Variants in FRYL observed in about 807,000 individuals in gnomAD.
FRYL encodes the protein FRY like transcription coactivator, also known as protein furry homolog-like.
In FRYL, 150 loss-of-function variants were observed where a neutral mutation model predicts 351.2. The observed-to-expected ratio is 0.43, with a 90% CI of 0.37 to 0.49. FRYL has a LOEUF of 0.49. Ranked by LOEUF, FRYL falls within the 20% of genes least tolerant of loss-of-function variation. The probability of loss-of-function intolerance (pLI) is 0.00; values close to 1 mark genes in which losing one functional copy is unlikely to be tolerated. For missense variants in FRYL, 3,036 were observed against 3,619.3 expected, an observed-to-expected ratio of 0.84 and a Z score of 4.13; for synonymous variants, 1,153 against 1,257.1, an observed-to-expected ratio of 0.92 and a Z score of 1.75.
intron 1 of FRYL, among the ~76,000 whole-genome samples, chr4:48,763,106 T>TA (rs10683757): frequency 0.51 from 46,743 of 91,496 alleles, 12,699 homozygotes; most frequent in South Asian, 0.64. Context: ...TACAGATCTG[T>TA]AAAAAAAAAA....
At chr4:48,629,479 T>C (rs1189022730) in intron 4 of FRYL, among the ~76,000 whole-genome samples, 1 of 152,196 alleles carries the variant, frequency 6.6e-6, no homozygotes, top group East Asian at 1.9e-4. Flanking sequence ...CATTCACTCA[T>C]TTGTCCAAAT....
intron 3 of FRYL, among the ~76,000 whole-genome samples, chr4:48,665,136 T>A (rs993606843): frequency 6.6e-6 from 1 of 152,230 alleles, no homozygotes; most frequent in Non-Finnish European, 1.5e-5. Context: ...GCAATTATAT[T>A]GCTTGTGTAA....
chr4:48,620,796 T>C lies in FRYL; in HGVS notation c.175-18A>G. On this transcript the variant is annotated intron_variant, in intron 5 of 63. Coordinates refer to ENST00000358350, the MANE Select transcript of FRYL (RefSeq NM_015030.2). ...CTTATCAACTGAAAACACAAGATAT[T>C]ACCAGAAAATAAATTGTAACACTGA... The C allele has an allele frequency of 6.2e-7, 1 of 1,601,116 alleles. No homozygotes were observed. Among genetic ancestry groups the C allele is most frequent in the Non-Finnish European group, 8.5e-7 (1 of 1,170,468 alleles).
chr4:48,734,522 T>A (rs978938005), intron 1 of FRYL, among the ~76,000 whole-genome samples: 1 of 152,150 alleles, frequency 6.6e-6, no homozygotes. Context: ...AGTAAGGACA[T>A]AGCTGAACTC....
chr4:48,506,615 AATATATATATATAT>A (rs55736457), intron 59 of FRYL: 756 of 71,614 alleles, frequency 0.011, 3 homozygotes, highest in African/African-American at 0.025. Context: ...CAATACAACT[AATATATATATATAT>A]ATATATATAT....
chr4:48,558,703 G>A, intron 33 of FRYL, among the ~76,000 whole-genome samples: 1 of 152,158 alleles, frequency 6.6e-6, no homozygotes, highest in East Asian at 1.9e-4. Context: ...GTTCTATATA[G>A]GGGAGATGCC....
chr4:48,715,846 G>A (rs1578813946), intron 1 of FRYL, among the ~76,000 whole-genome samples: 1 of 152,184 alleles, frequency 6.6e-6, no homozygotes, highest in African/African-American at 2.4e-5. Context: ...AACAAAGCTG[G>A]AGGCATCATA....
intron 33 of FRYL, among the ~76,000 whole-genome samples, 181 bp from the exon 34 acceptor site, chr4:48,557,893 A>G (rs1734477465): frequency 6.6e-6 from 1 of 152,240 alleles, no homozygotes; most frequent in Non-Finnish European, 1.5e-5. Context: ...ATTAACAGCT[A>G]ACATAAATCA....
Position 48,620,619 on chromosome 4 carries a change from GT to G in FRYL, c.314+19del, listed in dbSNP as rs1560731105. 4.4e-6 allele frequency: 7 copies of G among 1,600,692 alleles called. No individual in the cohort carries two copies. In the East Asian group the frequency reaches 1.6e-4, roughly 36 times the overall value. The stretch of plus-strand genomic sequence containing the variant: ...AAGTGTGTTAATTCCAGGTGAAACA[GT>G]GTAAAATAAAGCACTTACCCCTTAG... On this transcript the variant is annotated intron_variant, in intron 6 of 63. Coordinates refer to ENST00000358350, the MANE Select transcript of FRYL (RefSeq NM_015030.2).
intron 2 of FRYL, among the ~76,000 whole-genome samples, chr4:48,691,312 T>TTGCA (rs1161883570): frequency 6.6e-6 from 1 of 152,136 alleles, no homozygotes; most frequent in Non-Finnish European, 1.5e-5. Context: ...GAGCAGAATA[T>TTGCA]TGCAGTAGAG....
intron 1 of FRYL, among the ~76,000 whole-genome samples, chr4:48,729,396 A>G (rs577976880): frequency 1.3e-5 from 2 of 152,344 alleles, no homozygotes; most frequent in African/African-American, 4.8e-5. Context: ...TTCTCCCAGC[A>G]CGGTGTTCGA....
intron 19 of FRYL, among the ~76,000 whole-genome samples, chr4:48,584,729 T>C (rs1466503979): frequency 6.6e-6 from 1 of 152,226 alleles, no homozygotes; most frequent in East Asian, 1.9e-4. Flanking sequence ...TAAAGCTTGG[T>C]TAATTAAAGG....
chr4:48,726,250 C>G (rs1208127497), intron 1 of FRYL, among the ~76,000 whole-genome samples: 1 of 152,134 alleles, frequency 6.6e-6, no homozygotes, highest in Non-Finnish European at 1.5e-5. Flanking sequence ...GATACAGAGG[C>G]CATTAACAAC....
chr4:48,753,940 T>C (rs982768894), intron 1 of FRYL, among the ~76,000 whole-genome samples: 3 of 152,180 alleles, frequency 2.0e-5, no homozygotes, highest in Non-Finnish European at 2.9e-5. Flanking sequence ...AAATGTTTAG[T>C]TAAAAAAAAT....
rs1409582877 is a variant in FRYL at position 48,557,105 on chromosome 4, A to G, written c.4139T>C (p.Leu1380Pro). ...MYMTAKYGDE[L>P]AWSEVENVWT... ...CACATTCTCCACCTCCGACCAGGCC[A>G]GTTCATCGCCATACTAGATGCAATA... The change falls in exon 35 of 64, where the codon CTG (leucine) becomes CCG (proline). Residue 1380 changes from leucine (L) to proline (P), a missense_variant. Leu to Pro is a moderately conservative substitution (Grantham distance 98). Coordinates refer to ENST00000358350, the MANE Select transcript of FRYL (RefSeq NM_015030.2). 20 of 1,594,130 alleles carry G rather than the reference A, an allele frequency of 1.3e-5. No individual in the cohort carries two copies. The highest frequency in any genetic ancestry group is 1.7e-5 in the Non-Finnish European group (20 of 1,168,760).
intron 32 of FRYL, among the ~76,000 whole-genome samples, chr4:48,561,843 C>G (rs980525947): frequency 6.6e-5 from 10 of 152,064 alleles, no homozygotes; most frequent in South Asian, 2.1e-4. Context: ...AGCAGGACCT[C>G]ATCTCTACAA....
intron 3 of FRYL, among the ~76,000 whole-genome samples, chr4:48,658,481 T>C (rs951867235): frequency 1.2e-4 from 18 of 147,482 alleles, no homozygotes; most frequent in Non-Finnish European, 2.4e-4. Flanking sequence ...CTCACATCTG[T>C]AATCCCAACA....
At chr4:48,589,668 A>T in intron 18 of FRYL, 77 bp downstream of exon 18, 1 of 1,369,622 alleles carries the variant, frequency 7.3e-7, no homozygotes, top group Non-Finnish European at 1.0e-6. Flanking sequence ...CCAAGTAAGG[A>T]GACAGGTAAG....
At chr4:48,641,121 C>T (rs1755225603) in intron 3 of FRYL, among the ~76,000 whole-genome samples, 1 of 152,130 alleles carries the variant, frequency 6.6e-6, no homozygotes, top group African/African-American at 2.4e-5. Context: ...AGTACCAGAC[C>T]TTTCAACTAC....
Sources: gnomAD v4.1 joint callset for allele counts (sites outside exome capture counted in the v4.1 genomes callset) on GRCh38, gnomAD v4.1.1 for gene constraint, MANE v1.5 for transcripts, NCBI Gene and HGNC (gene_info 2026-07-23, HGNC 2026-07-21) for gene names.